Variants in TXNDC11 observed in about 807,000 individuals in gnomAD.
TXNDC11 encodes thioredoxin domain containing 11, also known as thioredoxin domain-containing protein 11.
A neutral mutation model predicts 78.0 loss-of-function variants in TXNDC11; 68 were observed. The observed-to-expected ratio is 0.87, with a 90% CI of 0.72 to 1.07. TXNDC11 has a LOEUF of 1.07. Among genes scored for constraint, TXNDC11 ranks in the 50% least tolerant of loss-of-function variants. TXNDC11 has a pLI of 0.00. For synonymous variants in TXNDC11, 571 were observed against 495.2 expected, an observed-to-expected ratio of 1.15 and a Z score of -2.03; for missense variants, 1,389 against 1,221.8, an observed-to-expected ratio of 1.14 and a Z score of -2.04.
chr16:11,685,843 T>G (rs982245869), intron 10 of TXNDC11, among the ~76,000 whole-genome samples: 3 of 152,238 alleles, frequency 2.0e-5, no homozygotes, highest in Admixed American at 6.5e-5. Flanking sequence ...TCTCACTTGA[T>G]TCTTACTTCA....
intron 5 of TXNDC11, among the ~76,000 whole-genome samples, chr16:11,720,302 C>G (rs866743953): frequency 6.6e-6 from 1 of 152,114 alleles, no homozygotes; most frequent in Non-Finnish European, 1.5e-5. Flanking sequence ...TATAAAAATA[C>G]TTCTCAGAAG....
chr16:11,730,775 CT>C lies in TXNDC11; in HGVS notation c.570-2del. Reference sequence around the variant, plus strand: ...GCCTTTGTATTCGATTGGTCCAAAACTAGTACCAAAAAATAAAAATAAAAAT... The same window carrying C: ...GCCTTTGTATTCGATTGGTCCAAAACAGTACCAAAAAATAAAAATAAAAAT... On this transcript the variant is annotated splice_acceptor_variant, in intron 3 of 11. Coordinates refer to ENST00000283033, the MANE Select transcript of TXNDC11 (RefSeq NM_015914.7). LOFTEE classifies it high-confidence loss of function. The C allele has an allele frequency of 6.4e-7, 1 of 1,553,932 alleles. No individual in the cohort carries two copies. Among genetic ancestry groups the C allele is most frequent in the East Asian group, 2.3e-5 (1 of 44,106 alleles).
chr16:11,704,124 T>A (rs1472833396), intron 5 of TXNDC11, among the ~76,000 whole-genome samples: 1 of 152,028 alleles, frequency 6.6e-6, no homozygotes. Context: ...GAAGTGCTCA[T>A]AAAAGGATGG....
At chr16:11,726,147 G>T (rs55934118) in intron 4 of TXNDC11, among the ~76,000 whole-genome samples, 1 of 151,782 alleles carries the variant, frequency 6.6e-6, no homozygotes, top group East Asian at 1.9e-4. Flanking sequence ...CCAAGTGCTG[G>T]GGTTGCAGGC....
At position 11,742,555 on chromosome 16, in the gene TXNDC11, G is replaced by A. The variant is rs966264167; in HGVS notation, c.176C>T (p.Ala59Val). 1.8e-5 allele frequency: 26 copies of A among 1,455,796 alleles called. No homozygotes were observed. Among genetic ancestry groups the A allele is most frequent in the Non-Finnish European group, 2.3e-5 (26 of 1,110,806 alleles). 90.2% of individuals were successfully genotyped at this position (1,455,796 alleles called of 1,614,324 possible). Residue 59 changes from alanine to valine, a missense_variant, in exon 1 of 12, where the codon GCG (alanine) becomes GTG (valine). By Grantham distance (64) the Ala-to-Val change is moderately conservative. Coordinates refer to ENST00000283033, the MANE Select transcript of TXNDC11 (RefSeq NM_015914.7). Reference protein sequence around the residue: ...RRGLRGAFLMARQRPELLCGA... With the variant: ...RRGLRGAFLMVRQRPELLCGA... The stretch of plus-strand genomic sequence containing the variant: ...GCAGAGCAGCTCCGGCCGCTGGCGC[G>A]CCATGAGGAAGGCGCCACGCAGCCC...
chr16:11,689,239 C>T (rs534419025), intron 8 of TXNDC11, among the ~76,000 whole-genome samples: 2 of 152,274 alleles, frequency 1.3e-5, no homozygotes, highest in South Asian at 4.1e-4. Context: ...CAGGCGTCCA[C>T]CATTGCACTC....
intron 5 of TXNDC11, among the ~76,000 whole-genome samples, chr16:11,701,920 T>C (rs375453210): frequency 4.0e-5 from 6 of 151,888 alleles, no homozygotes; most frequent in Middle Eastern, 3.4e-3. Context: ...AGGAGTCACA[T>C]GCAAGGATAT....
intron 2 of TXNDC11, among the ~76,000 whole-genome samples, chr16:11,734,898 T>G (rs2052174970): frequency 6.6e-6 from 1 of 152,186 alleles, no homozygotes; most frequent in Admixed American, 6.6e-5. Context: ...TGGGGGAAGC[T>G]ACAGTGCATA....
Position 11,698,173 on chromosome 16 carries a change from C to T in TXNDC11, c.1059G>A (p.Leu353=), listed in dbSNP as rs762183063. 1 of 1,614,228 alleles carries T rather than the reference C, an allele frequency of 6.2e-7. No individual in the cohort carries two copies. Among genetic ancestry groups the T allele is most frequent in the African/African-American group, 1.3e-5 (1 of 75,070 alleles). The change falls in exon 7 of 12, where the codon CTG becomes CTA. Residue 353 remains leucine, a synonymous_variant. Coordinates refer to ENST00000283033, the MANE Select transcript of TXNDC11 (RefSeq NM_015914.7). The part of the protein sequence containing the change: ...NELKKGPALF[L]FIPFNPLAES... Reference sequence around the variant, plus strand: ...CGGCCAGGGGATTAAAAGGTATGAACAGAAACAGCGCTGGTCCTTTCTTCA... The same window carrying T: ...CGGCCAGGGGATTAAAAGGTATGAATAGAAACAGCGCTGGTCCTTTCTTCA...
chr16:11,706,335 G>A (rs746058366), intron 5 of TXNDC11, among the ~76,000 whole-genome samples: 1 of 152,236 alleles, frequency 6.6e-6, no homozygotes, highest in East Asian at 1.9e-4. Context: ...TCACCCCTCA[G>A]GGAGGGAGGG....
At chr16:11,727,284 C>A (rs894955028) in intron 4 of TXNDC11, among the ~76,000 whole-genome samples, 1 of 151,422 alleles carries the variant, frequency 6.6e-6, no homozygotes, top group Non-Finnish European at 1.5e-5. Context: ...CACACATACT[C>A]CTACAAGATG....
intron 4 of TXNDC11, among the ~76,000 whole-genome samples, chr16:11,722,139 CTT>C (rs1178612450): frequency 6.6e-6 from 1 of 152,242 alleles, no homozygotes; most frequent in Non-Finnish European, 1.5e-5. Flanking sequence ...TACCTTCACA[CTT>C]TGCTGGAAAT....
chr16:11,740,418 T>C (rs1415107969), intron 1 of TXNDC11, among the ~76,000 whole-genome samples: 1 of 152,258 alleles, frequency 6.6e-6, no homozygotes, highest in Non-Finnish European at 1.5e-5. Context: ...AAGGATCTCA[T>C]TCTGCCTACT....
chr16:11,714,212 G>C (rs906099642), intron 5 of TXNDC11, among the ~76,000 whole-genome samples: 2 of 152,018 alleles, frequency 1.3e-5, no homozygotes, highest in Non-Finnish European at 2.9e-5. Context: ...TTGTAGAGAC[G>C]GGGTTTCGCC....
At chr16:11,701,920 T>G (rs375453210) in intron 5 of TXNDC11, among the ~76,000 whole-genome samples, 23 of 151,888 alleles carry the variant, frequency 1.5e-4, no homozygotes, top group African/African-American at 4.8e-4. Context: ...AGGAGTCACA[T>G]GCAAGGATAT....
Position 11,698,308 on chromosome 16 carries a change from G to A in TXNDC11, c.924C>T (p.Val308=), listed in dbSNP as rs771270160. ...AGATGTTCTCAGCTGTGTAGTTCAGGACCTCCCTGGGGAAGACCTGTGAAG... is the reference window on the plus strand; with the variant it reads ...AGATGTTCTCAGCTGTGTAGTTCAGAACCTCCCTGGGGAAGACCTGTGAAG... ...FNTSLVFPRE[V]LNYTAENICK... Residue 308 remains valine, a synonymous_variant, in exon 7 of 12, where the codon GTC becomes GTT. Coordinates refer to ENST00000283033, the MANE Select transcript of TXNDC11 (RefSeq NM_015914.7). 4.3e-6 allele frequency: 7 copies of A among 1,613,480 alleles called. No homozygotes were observed. Among genetic ancestry groups the A allele is most frequent in the Non-Finnish European group, 5.9e-6 (7 of 1,180,032 alleles).
intron 11 of TXNDC11, among the ~76,000 whole-genome samples, chr16:11,682,068 T>C (rs1290276955): frequency 6.6e-6 from 1 of 152,254 alleles, no homozygotes; most frequent in African/African-American, 2.4e-5. Context: ...ACAGTAAATA[T>C]ACAATTTCAT....
chr16:11,716,292 T>C (rs2051525336), intron 5 of TXNDC11, among the ~76,000 whole-genome samples: 1 of 152,150 alleles, frequency 6.6e-6, no homozygotes, highest in African/African-American at 2.4e-5. Flanking sequence ...TATAGCAGAG[T>C]ATGACAAAAT....
chr16:11,690,045 AGAG>A (rs1206376339), intron 8 of TXNDC11: 37 of 152,356 alleles, frequency 2.4e-4, no homozygotes, highest in Admixed American at 2.1e-3. Context: ...TAGATTTGAA[AGAG>A]GATGGCTAAA....
Sources: allele counts gnomAD v4.1 joint callset (sites outside exome capture counted in the v4.1 genomes callset), GRCh38; gene constraint gnomAD v4.1.1; transcripts MANE v1.5; gene names NCBI Gene and HGNC (gene_info 2026-07-23, HGNC 2026-07-21).